Variants in GPHN observed in about 807,000 individuals in gnomAD.
The protein encoded by GPHN is gephyrin.
In GPHN, 17 loss-of-function variants were observed where a neutral mutation model predicts 95.5. The observed-to-expected ratio is 0.18, with a 90% confidence interval of 0.12 to 0.27. GPHN has a LOEUF of 0.27. GPHN is among the 10% of genes least tolerant of loss of function. GPHN has a pLI of 1.00. For missense variants in GPHN, 660 were observed against 978.1 expected, an observed-to-expected ratio of 0.67 and a Z score of 4.34; for synonymous variants, 320 against 322.5, an observed-to-expected ratio of 0.99 and a Z score of 0.08.
chr14:66,648,208 T>C (rs186014157), intron 1 of GPHN, among the ~76,000 whole-genome samples: 1 of 152,136 alleles, frequency 6.6e-6, no homozygotes, highest in Admixed American at 6.5e-5. Flanking sequence ...AAAAGACACG[T>C]ATTCAGGAAA....
the GPHN span, among the ~76,000 whole-genome samples, chr14:67,248,166 C>T: frequency 6.6e-6 from 1 of 151,990 alleles, no homozygotes; most frequent in Non-Finnish European, 1.5e-5. Context: ...CTGGGACTAA[C>T]TCTGGGGTTA....
chr14:67,644,771 G>C, the GPHN span, among the ~76,000 whole-genome samples: 1 of 152,188 alleles, frequency 6.6e-6, no homozygotes, highest in Non-Finnish European at 1.5e-5. Flanking sequence ...GGCTGAGCCA[G>C]GTGGATCACT....
the GPHN span, chr14:67,594,000 G>C: frequency 7.8e-7 from 1 of 1,284,456 alleles, no homozygotes; most frequent in Non-Finnish European, 1.1e-6. Context: ...AGTGGTACCA[G>C]TCAACTCCAG....
intron 1 of GPHN, 58 bp from the exon 2 acceptor site, chr14:66,681,049 G>A (rs1017134638): frequency 9.9e-7 from 1 of 1,008,788 alleles, no homozygotes; most frequent in Admixed American, 1.7e-5. Flanking sequence ...GTCAGCAATA[G>A]CTTAAATGAA....
chr14:67,073,759 A>G (rs2076395418), intron 11 of GPHN, among the ~76,000 whole-genome samples: 1 of 152,198 alleles, frequency 6.6e-6, no homozygotes, highest in South Asian at 2.1e-4. Context: ...ATTTTATGAC[A>G]TAAGAACTGT....
At chr14:67,564,975 G>A in the GPHN span, among the ~76,000 whole-genome samples, 6 of 152,158 alleles carry the variant, frequency 3.9e-5, no homozygotes, top group Non-Finnish European at 8.8e-5. Context: ...ACGGGTGTGA[G>A]CCACTGTGTC....
chr14:67,619,298 A>T, the GPHN span, among the ~76,000 whole-genome samples: 4 of 152,230 alleles, frequency 2.6e-5, no homozygotes, highest in Non-Finnish European at 5.9e-5. Context: ...AGAATTAAAA[A>T]CATCTAAAAG....
the GPHN span, chr14:67,600,302 AC>A: frequency 9.6e-7 from 1 of 1,036,836 alleles, no homozygotes; most frequent in Non-Finnish European, 1.3e-6. Flanking sequence ...CAGCCGCGTC[AC>A]CACGCCCCGC....
At chr14:67,329,871 TAAATAAATA>T in the GPHN span, among the ~76,000 whole-genome samples, 20 of 114,970 alleles carry the variant, frequency 1.7e-4, no homozygotes, top group East Asian at 2.5e-3. Context: ...AATAAATAAA[TAAATAAATA>T]GATATAGAAA....
At chr14:66,796,333 G>A (rs1173810416) in intron 3 of GPHN, among the ~76,000 whole-genome samples, 10 of 150,560 alleles carry the variant, frequency 6.6e-5, no homozygotes, top group Non-Finnish European at 1.3e-4. Flanking sequence ...TTTTTTTTCA[G>A]TATATACCCA....
chr14:66,975,183 T>C (rs2070128904), intron 9 of GPHN, among the ~76,000 whole-genome samples: 1 of 152,222 alleles, frequency 6.6e-6, no homozygotes, highest in Admixed American at 6.5e-5. Context: ...GACATAGTTT[T>C]TTCACCAACC....
At chr14:67,578,075 A>G in the GPHN span, 1 of 1,613,898 alleles carries the variant, frequency 6.2e-7, no homozygotes, top group Non-Finnish European at 8.5e-7. The surrounding 1 kb of genome is among the most constrained non-coding windows in gnomAD (Gnocchi z 5.0). Context: ...GTGGACTACC[A>G]TGTGTCCCTG....
chr14:66,513,150 T>A (rs1209023890), intron 1 of GPHN, among the ~76,000 whole-genome samples: 2 of 151,774 alleles, frequency 1.3e-5, no homozygotes, highest in Non-Finnish European at 3.0e-5. Context: ...ATGAATATAC[T>A]TAGTACTATT....
At chr14:67,425,446 G>A in the GPHN span, among the ~76,000 whole-genome samples, 1 of 152,012 alleles carries the variant, frequency 6.6e-6, no homozygotes, top group Admixed American at 6.6e-5. Flanking sequence ...CAGAGGCTGA[G>A]GTGTGAGGAT....
chr14:67,577,282 T>C, the GPHN span: 15 of 1,520,896 alleles, frequency 9.9e-6, no homozygotes, highest in Non-Finnish European at 1.3e-5. Context: ...CCTTGCTCTC[T>C]GGTTCCGTGC....
intron 5 of GPHN, among the ~76,000 whole-genome samples, chr14:66,903,825 G>C (rs910662161): frequency 1.3e-5 from 2 of 151,724 alleles, no homozygotes; most frequent in African/African-American, 4.8e-5. Context: ...TTTGCATTGT[G>C]GTTACCATGA....
chr14:66,546,196 C>G (rs2059588862), intron 1 of GPHN, among the ~76,000 whole-genome samples: 1 of 152,014 alleles, frequency 6.6e-6, no homozygotes, highest in Admixed American at 6.5e-5. Context: ...AGGCGCTCCT[C>G]ACTTCCTAGA....
intron 1 of GPHN, among the ~76,000 whole-genome samples, chr14:66,543,269 T>A (rs2059418199): frequency 6.6e-6 from 1 of 152,176 alleles, no homozygotes; most frequent in Admixed American, 6.5e-5. Flanking sequence ...TTGAAACTAC[T>A]CTTGATAAGG....
chr14:66,716,444 T>C (rs1468061154), intron 2 of GPHN, among the ~76,000 whole-genome samples: 1 of 127,826 alleles, frequency 7.8e-6, no homozygotes, highest in African/African-American at 4.3e-5. Flanking sequence ...TTCTTATCCA[T>C]TCTGCAGTTC....
Sources: allele counts gnomAD v4.1 joint callset (sites outside exome capture counted in the v4.1 genomes callset), GRCh38; gene constraint gnomAD v4.1.1; non-coding constraint Gnocchi (gnomAD v3.1); transcripts MANE v1.5; gene names NCBI Gene and HGNC (gene_info 2026-07-23, HGNC 2026-07-21).